RAB38: variants seen among roughly 807,000 people sequenced by gnomAD.
RAB38 encodes the protein RAB38, member RAS oncogene family, also known as ras-related protein Rab-38.
Under a neutral mutation model 18.4 loss-of-function variants are expected in RAB38, and 15 were observed. The ratio of observed to expected loss-of-function variants is 0.82; its 90% confidence interval spans 0.55 to 1.26. RAB38 has a LOEUF of 1.26. RAB38 is among the 50% of genes most tolerant of loss of function. The probability of loss-of-function intolerance (pLI) is 0.00; values close to 1 mark genes in which losing one functional copy is unlikely to be tolerated. For missense variants in RAB38, 294 were observed against 267.4 expected (o/e 1.10, Z -0.69); for synonymous variants, 101 against 104.4 (o/e 0.97, Z 0.20).
the RAB38 span, among the ~76,000 whole-genome samples, chr11:87,900,202 T>G: frequency 6.6e-6 from 1 of 151,532 alleles, no homozygotes; most frequent in Non-Finnish European, 1.5e-5. Context: ...CACTACATAA[T>G]AGAATAATTT....
At chr11:87,863,094 G>A in the RAB38 span, among the ~76,000 whole-genome samples, 1 of 151,792 alleles carries the variant, frequency 6.6e-6, no homozygotes, top group Non-Finnish European at 1.5e-5. Flanking sequence ...ATGTTGATGG[G>A]TGGATGAATG....
intron 2 of RAB38, among the ~76,000 whole-genome samples, chr11:88,123,476 G>C (rs2078351827): frequency 6.6e-6 from 1 of 152,174 alleles, no homozygotes; most frequent in Non-Finnish European, 1.5e-5. Flanking sequence ...TTACTTTACA[G>C]GTCCAACTGC....
chr11:87,885,550 T>C, the RAB38 span, among the ~76,000 whole-genome samples: 1 of 152,152 alleles, frequency 6.6e-6, no homozygotes, highest in Middle Eastern at 3.4e-3. Context: ...TGCCTGACAC[T>C]GGAACCCTGC....
At chr11:87,945,326 A>T in the RAB38 span, among the ~76,000 whole-genome samples, 27 of 152,158 alleles carry the variant, frequency 1.8e-4, no homozygotes, top group Non-Finnish European at 2.9e-4. Context: ...ACAGAGGCTG[A>T]CTACAGAACT....
the RAB38 span, among the ~76,000 whole-genome samples, chr11:87,954,809 C>T: frequency 6.6e-6 from 1 of 151,896 alleles, no homozygotes; most frequent in Admixed American, 6.6e-5. Context: ...CTGTGCTATA[C>T]ACATTATCTC....
the RAB38 span, among the ~76,000 whole-genome samples, chr11:87,925,862 G>T: frequency 4.0e-4 from 60 of 151,648 alleles, no homozygotes; most frequent in African/African-American, 1.4e-3. Flanking sequence ...GAGTGATCTG[G>T]AAGGGTTTTC....
chr11:87,868,080 T>C, the RAB38 span, among the ~76,000 whole-genome samples: 1 of 151,748 alleles, frequency 6.6e-6, no homozygotes, highest in Non-Finnish European at 1.5e-5. Flanking sequence ...CATTATGTTC[T>C]ATAGCTTGGA....
chr11:87,893,894 A>G, the RAB38 span, among the ~76,000 whole-genome samples: 13 of 151,728 alleles, frequency 8.6e-5, no homozygotes, highest in African/African-American at 1.2e-4. Context: ...TTGGCTATCC[A>G]GTGGTCCCTT....
the RAB38 span, chr11:87,815,007 A>C: frequency 6.6e-6 from 1 of 152,650 alleles, no homozygotes; most frequent in Non-Finnish European, 1.5e-5. Flanking sequence ...TGCTGGGATT[A>C]CAGGCGTGAG....
the RAB38 span, among the ~76,000 whole-genome samples, chr11:88,087,797 C>T: frequency 6.6e-6 from 1 of 151,872 alleles, no homozygotes; most frequent in Non-Finnish European, 1.5e-5. Context: ...ATGAGAGTAC[C>T]TAGGGATTGC....
chr11:88,048,395 T>G, the RAB38 span, among the ~76,000 whole-genome samples: 13 of 152,142 alleles, frequency 8.5e-5, no homozygotes, highest in African/African-American at 2.9e-4. Flanking sequence ...TGGTATTCAG[T>G]GGAAACTTCC....
chr11:87,977,373 A>T, the RAB38 span, among the ~76,000 whole-genome samples: 1 of 46,344 alleles, frequency 2.2e-5, no homozygotes, highest in Non-Finnish European at 4.0e-5. Flanking sequence ...TTATAAAATT[A>T]TATTATAAAA....
At chr11:87,860,393 G>A in the RAB38 span, among the ~76,000 whole-genome samples, 1 of 151,828 alleles carries the variant, frequency 6.6e-6, no homozygotes, top group Admixed American at 6.6e-5. Flanking sequence ...ATTATAACTT[G>A]TAAAGTTACA....
At chr11:87,912,716 AT>A in the RAB38 span, among the ~76,000 whole-genome samples, 1 of 129,862 alleles carries the variant, frequency 7.7e-6, no homozygotes, top group Non-Finnish European at 1.7e-5. Context: ...CCACTTTGAT[AT>A]TCATTATTTC....
chr11:88,019,437 T>C, the RAB38 span, among the ~76,000 whole-genome samples: 1 of 152,082 alleles, frequency 6.6e-6, no homozygotes, highest in African/African-American at 2.4e-5. Context: ...GGCATAATGG[T>C]TGCCAGGACC....
chr11:87,835,480 T>C, the RAB38 span, among the ~76,000 whole-genome samples: 1 of 152,314 alleles, frequency 6.6e-6, no homozygotes, highest in Admixed American at 6.5e-5. Context: ...ATGGGCCAAA[T>C]TGTGTGTCCT....
intron 2 of RAB38, among the ~76,000 whole-genome samples, chr11:88,148,326 C>T (rs1428123167): frequency 2.0e-5 from 3 of 152,204 alleles, no homozygotes; most frequent in Non-Finnish European, 2.9e-5. Context: ...CCCTTTTCTT[C>T]CTCTCCATCA....
the RAB38 span, among the ~76,000 whole-genome samples, chr11:87,945,245 A>C: frequency 6.6e-6 from 1 of 152,142 alleles, no homozygotes. Flanking sequence ...TGCAATTAGC[A>C]TTACTTTTAT....
At chr11:87,918,557 A>G in the RAB38 span, among the ~76,000 whole-genome samples, 1 of 152,072 alleles carries the variant, frequency 6.6e-6, no homozygotes, top group African/African-American at 2.4e-5. Context: ...CATTTGTCAC[A>G]TAAGACCAAA....
Sources: gnomAD v4.1 joint callset for allele counts (sites outside exome capture counted in the v4.1 genomes callset) on GRCh38, gnomAD v4.1.1 for gene constraint, MANE v1.5 for transcripts, NCBI Gene and HGNC (gene_info 2026-07-23, HGNC 2026-07-21) for gene names.